Variants in TSPAN8 observed in about 807,000 individuals in gnomAD.
TSPAN8 encodes the protein tetraspanin 8, also known as tetraspanin-8.
In TSPAN8, 21 loss-of-function variants were observed where a neutral mutation model predicts 32.8. The observed-to-expected ratio is 0.64, with a 90% confidence interval of 0.45 to 0.92. The LOEUF is 0.92. TSPAN8 is among the 40% of genes least tolerant of loss of function. The pLI, the probability that TSPAN8 is intolerant of heterozygous loss-of-function variation, is 0.00. For missense variants in TSPAN8, 269 were observed against 281.9 expected (o/e 0.95, Z 0.33); for synonymous variants, 95 against 94.6 (o/e 1.00, Z -0.03).
intron 8 of TSPAN8, 142 bp downstream of exon 8, chr12:71,129,189 C>T: frequency 1.2e-6 from 1 of 829,652 alleles, no homozygotes; most frequent in Non-Finnish European, 1.8e-6. Context: ...CCTTTAGCAT[C>T]CAGTGCTTTT....
rs1057253529 is a variant in TSPAN8, at chr12:71,143,761, T to C, written c.123+390A>G. Among the ~76,000 whole-genome samples, 7 of 152,186 alleles carry C rather than the reference T, an allele frequency of 4.6e-5. 1 individual carries two copies. The highest frequency in any genetic ancestry group is 1.7e-4 in the African/African-American group (7 of 41,450). ...AACCACATTGGGATCAACTAAATTATTGTCAAAACCTTCTACTATAAAAAT... is the reference window on the plus strand; with the variant it reads ...AACCACATTGGGATCAACTAAATTACTGTCAAAACCTTCTACTATAAAAAT... On this transcript the variant is annotated intron_variant, in intron 3 of 8. Coordinates refer to ENST00000247829, the MANE Select transcript of TSPAN8 (RefSeq NM_004616.3).
intron 6 of TSPAN8, among the ~76,000 whole-genome samples, chr12:71,137,236 T>C (rs1871728472): frequency 6.6e-6 from 1 of 152,182 alleles, no homozygotes; most frequent in Non-Finnish European, 1.5e-5. Context: ...GCTATGATTA[T>C]ACTACTGCAC....
chr12:71,147,087 C>T (rs1172212697), intron 2 of TSPAN8, among the ~76,000 whole-genome samples: 1 of 152,012 alleles, frequency 6.6e-6, no homozygotes, highest in Non-Finnish European at 1.5e-5. Flanking sequence ...TCCTAGCCTC[C>T]AGAACTATAA....
At chr12:71,156,621 A>G (rs892454763) in intron 2 of TSPAN8, among the ~76,000 whole-genome samples, 1 of 152,210 alleles carries the variant, frequency 6.6e-6, no homozygotes, top group African/African-American at 2.4e-5. Flanking sequence ...CATGTAGTTA[A>G]GTTTAATTAA....
At chr12:71,152,978 G>A (rs1251354065) in intron 2 of TSPAN8, among the ~76,000 whole-genome samples, 1 of 152,158 alleles carries the variant, frequency 6.6e-6, no homozygotes, top group Non-Finnish European at 1.5e-5. Context: ...TCATGCACTG[G>A]CTTCCTTCAG....
intron 8 of TSPAN8, among the ~76,000 whole-genome samples, chr12:71,128,523 G>T (rs894353434): frequency 7.9e-5 from 12 of 152,012 alleles, no homozygotes; most frequent in African/African-American, 2.4e-4. Flanking sequence ...GAGTGAATTT[G>T]ATCTACTTGA....
intron 3 of TSPAN8, 104 bp from the exon 4 acceptor site, chr12:71,139,952 G>T: frequency 8.8e-7 from 1 of 1,130,084 alleles, no homozygotes; most frequent in Non-Finnish European, 1.2e-6. Flanking sequence ...CAAGTCCTGT[G>T]CCAGGACCCT....
intron 3 of TSPAN8, among the ~76,000 whole-genome samples, chr12:71,141,364 A>G (rs1871898611): frequency 6.6e-6 from 1 of 152,238 alleles, no homozygotes; most frequent in Middle Eastern, 3.2e-3. Context: ...GGACATTGGA[A>G]TCAAAATAAA....
intron 2 of TSPAN8, among the ~76,000 whole-genome samples, chr12:71,153,454 A>T (rs1872321260): frequency 1.3e-5 from 2 of 152,242 alleles, no homozygotes; most frequent in Admixed American, 6.5e-5. Flanking sequence ...CCCCCAAAAG[A>T]ACCTGGTCTG....
intron 8 of TSPAN8, among the ~76,000 whole-genome samples, chr12:71,128,202 G>C (rs1227573471): frequency 6.6e-6 from 1 of 152,154 alleles, no homozygotes; most frequent in Non-Finnish European, 1.5e-5. Flanking sequence ...TGGACTACAA[G>C]AAAGTAATAA....
intron 6 of TSPAN8, among the ~76,000 whole-genome samples, chr12:71,135,369 AAGGAGGAGG>A (rs200204805): frequency 7.6e-6 from 1 of 130,954 alleles, no homozygotes; most frequent in Non-Finnish European, 1.6e-5. Flanking sequence ...GAAGAAGAAG[AAGGAGGAGG>A]AGGAGGAGGA....
At chr12:71,142,301 T>G (rs981563923) in intron 3 of TSPAN8, among the ~76,000 whole-genome samples, 2 of 152,200 alleles carry the variant, frequency 1.3e-5, no homozygotes, top group Non-Finnish European at 1.5e-5. Context: ...TATCCCCAGA[T>G]GTGGAGGAGC....
At chr12:71,131,646 T>C (rs1871522171) in intron 7 of TSPAN8, among the ~76,000 whole-genome samples, 2 of 130,664 alleles carry the variant, frequency 1.5e-5, no homozygotes, top group Admixed American at 8.6e-5. Context: ...GAAGCATGTC[T>C]GATCCTAGCA....
At chr12:71,137,561 C>G (rs1301625967) in intron 6 of TSPAN8, among the ~76,000 whole-genome samples, 4 of 151,616 alleles carry the variant, frequency 2.6e-5, no homozygotes, top group Non-Finnish European at 5.9e-5. Flanking sequence ...GATTGCACCA[C>G]TGCACTCCAG....
At chr12:71,134,632 T>C (rs529567066) in intron 6 of TSPAN8, among the ~76,000 whole-genome samples, 1 of 152,142 alleles carries the variant, frequency 6.6e-6, no homozygotes, top group Admixed American at 6.5e-5. Flanking sequence ...GTAGACATGA[T>C]TAATTGTTTA....
chr12:71,157,536 T>A, intron 2 of TSPAN8, 83 bp downstream of exon 2: 2 of 940,460 alleles, frequency 2.1e-6, no homozygotes, highest in Non-Finnish European at 3.5e-6. Flanking sequence ...ATTTCTCTAG[T>A]GTACAGTCTG....
chr12:71,150,817 T>A (rs1872229454), intron 2 of TSPAN8, among the ~76,000 whole-genome samples: 1 of 152,122 alleles, frequency 6.6e-6, no homozygotes, highest in African/African-American at 2.4e-5. Flanking sequence ...ATCTGATGGT[T>A]TTATAAGGAG....
chr12:71,152,835 T>A (rs1378332263), intron 2 of TSPAN8, among the ~76,000 whole-genome samples: 1 of 152,230 alleles, frequency 6.6e-6, no homozygotes, highest in Non-Finnish European at 1.5e-5. Context: ...CTCAGGGTTA[T>A]GTCTGCTTTG....
intron 7 of TSPAN8, 143 bp downstream of exon 7, chr12:71,132,550 A>T (rs922785134): frequency 2.8e-5 from 28 of 1,001,768 alleles, no homozygotes; most frequent in Non-Finnish European, 3.6e-5. Flanking sequence ...TTAAATAAGG[A>T]TTTTTTTAAT....
Sources: gnomAD v4.1 joint callset for allele counts (sites outside exome capture counted in the v4.1 genomes callset) on GRCh38, gnomAD v4.1.1 for gene constraint, MANE v1.5 for transcripts, NCBI Gene and HGNC (gene_info 2026-07-23, HGNC 2026-07-21) for gene names.